HIVEP3: variants seen among roughly 807,000 people sequenced by gnomAD.
HIVEP3 encodes HIVEP zinc finger 3, also known as transcription factor HIVEP3.
Under a neutral mutation model 152.8 loss-of-function variants are expected in HIVEP3, and 49 were observed. That is an observed-to-expected ratio of 0.32 (90% CI 0.26 to 0.41). The LOEUF is 0.41. Among genes scored for constraint, HIVEP3 ranks in the 10% least tolerant of loss-of-function variants. HIVEP3 has a pLI of 1.00. For synonymous variants in HIVEP3, 1,269 were observed against 1,289.0 expected (o/e 0.98, Z 0.33); for missense variants, 2,790 against 3,103.3 (o/e 0.90, Z 2.40).
intron 1 of HIVEP3, among the ~76,000 whole-genome samples, chr1:41,865,060 C>T (rs1282212473): frequency 6.6e-6 from 1 of 152,232 alleles, no homozygotes; most frequent in Non-Finnish European, 1.5e-5. Flanking sequence ...ACCATCCCAT[C>T]ATTGGACTTG....
chr1:41,868,708 G>C (rs1644027132), intron 1 of HIVEP3, among the ~76,000 whole-genome samples: 1 of 152,156 alleles, frequency 6.6e-6, no homozygotes, highest in Non-Finnish European at 1.5e-5. Flanking sequence ...AGAAAGCATG[G>C]GCTTGCTCAG....
chr1:41,829,214 A>G (rs904549783), intron 1 of HIVEP3, among the ~76,000 whole-genome samples: 1 of 152,250 alleles, frequency 6.6e-6, no homozygotes, highest in South Asian at 2.1e-4. Flanking sequence ...TGCTTACTAA[A>G]AAAGTCTTTG....
At chr1:41,563,218 G>C (rs891110127) in intron 5 of HIVEP3, among the ~76,000 whole-genome samples, 5 of 152,032 alleles carry the variant, frequency 3.3e-5, no homozygotes, top group African/African-American at 4.8e-5. Context: ...ATGGTGGCAG[G>C]CACCTGTAAT....
chr1:41,767,793 G>A (rs958147155), intron 1 of HIVEP3, among the ~76,000 whole-genome samples: 5 of 152,158 alleles, frequency 3.3e-5, no homozygotes, highest in East Asian at 1.9e-4. Context: ...GAGCTGGCAG[G>A]GCTTTTGTTC....
Position 41,804,418 on chromosome 1 carries a change from C to T in HIVEP3, c.-800-103423G>A, listed in dbSNP as rs1041845702. 4.6e-5 allele frequency among the ~76,000 whole-genome samples: 7 copies of T among 152,356 alleles called. No individual in the cohort carries two copies. In the East Asian group the frequency reaches 5.8e-4, roughly 13 times the overall value. On this transcript the variant is annotated intron_variant, in intron 1 of 8. Transcript: ENST00000372583. ...GGGCTTGTTTAATCCTCAAGACAAA[C>T]CTGCCAGATAAGGCTGGCTGTGCCC...
chr1:41,632,532 C>T (rs1482858560), intron 2 of HIVEP3, among the ~76,000 whole-genome samples: 1 of 152,112 alleles, frequency 6.6e-6, no homozygotes, highest in Non-Finnish European at 1.5e-5. Context: ...CCACGCCTGG[C>T]GGATCACGGG....
chr1:41,847,679 T>G (rs1288280618), intron 1 of HIVEP3: 1 of 152,250 alleles, frequency 6.6e-6, no homozygotes, highest in Middle Eastern at 3.2e-3. Context: ...GTAAGAGCGA[T>G]GAGAGTAGAA....
chr1:41,735,688 C>T (rs1646906739), intron 1 of HIVEP3, among the ~76,000 whole-genome samples: 1 of 152,102 alleles, frequency 6.6e-6, no homozygotes, highest in African/African-American at 2.4e-5. Context: ...GGAATTAAAC[C>T]CTGCTCTCCT....
chr1:41,669,706 G>A (rs1425304319), intron 2 of HIVEP3, among the ~76,000 whole-genome samples: 2 of 152,278 alleles, frequency 1.3e-5, no homozygotes, highest in African/African-American at 4.8e-5. Flanking sequence ...TATACCATTG[G>A]CTTTCCTGGG....
At chr1:41,806,705 G>A (rs567366900) in intron 1 of HIVEP3, among the ~76,000 whole-genome samples, 14 of 152,350 alleles carry the variant, frequency 9.2e-5, no homozygotes, top group African/African-American at 2.9e-4. Flanking sequence ...GCACTCCAGT[G>A]GGCAAGGAGG....
chr1:41,755,290 T>C (rs148156945), intron 1 of HIVEP3, among the ~76,000 whole-genome samples: 74 of 152,226 alleles, frequency 4.9e-4, no homozygotes, highest in African/African-American at 1.3e-3. Context: ...TTCCACTTTA[T>C]ACAAAATTTC....
intron 1 of HIVEP3, among the ~76,000 whole-genome samples, chr1:41,708,820 C>T (rs1039149330): frequency 8.5e-5 from 13 of 152,186 alleles, no homozygotes. Context: ...AAGTCAAGTA[C>T]TAGAAGCAAC....
chr1:41,521,317 AGAT>A (rs1470185909), intron 6 of HIVEP3, among the ~76,000 whole-genome samples: 2 of 152,222 alleles, frequency 1.3e-5, no homozygotes, highest in African/African-American at 4.8e-5. Flanking sequence ...AGAGATGCTA[AGAT>A]GATGCTTTTG....
chr1:41,854,644 A>C (rs1643706280), intron 1 of HIVEP3, among the ~76,000 whole-genome samples: 2 of 113,868 alleles, frequency 1.8e-5, no homozygotes, highest in Admixed American at 1.7e-4. Context: ...ATCTAGCATT[A>C]GGTATATCTC....
At chr1:41,899,572 A>G (rs1644587685) in intron 1 of HIVEP3, among the ~76,000 whole-genome samples, 2 of 152,040 alleles carry the variant, frequency 1.3e-5, no homozygotes, top group African/African-American at 4.8e-5. Context: ...AGGTCCAGCT[A>G]ATTTTTTGTG....
chr1:41,824,742 A>AATATATATATAT (rs375409601), intron 1 of HIVEP3, among the ~76,000 whole-genome samples: 1 of 75,086 alleles, frequency 1.3e-5, no homozygotes, highest in Non-Finnish European at 2.4e-5. Context: ...TTCCAAGTTA[A>AATATATATATAT]ATATATATAT....
At chr1:42,011,992 G>A (rs961232343) in intron 1 of HIVEP3, among the ~76,000 whole-genome samples, 3 of 152,052 alleles carry the variant, frequency 2.0e-5, no homozygotes, top group Non-Finnish European at 4.4e-5. Context: ...AGTGACATAG[G>A]GATGTCCCTG....
intron 1 of HIVEP3, among the ~76,000 whole-genome samples, chr1:41,795,323 G>C (rs941984051): frequency 2.0e-5 from 3 of 152,074 alleles, no homozygotes; most frequent in African/African-American, 7.2e-5. Flanking sequence ...ATGTTTTCTC[G>C]TGATTAAACA....
intron 1 of HIVEP3, among the ~76,000 whole-genome samples, chr1:41,846,356 T>C (rs1272628066): frequency 2.0e-5 from 3 of 152,254 alleles, no homozygotes. Flanking sequence ...ACATGGAGAC[T>C]TTGTTTCAAC....
Sources: gnomAD v4.1 joint callset for allele counts (sites outside exome capture counted in the v4.1 genomes callset) on GRCh38, gnomAD v4.1.1 for gene constraint, MANE v1.5 for transcripts, NCBI Gene and HGNC (gene_info 2026-07-23, HGNC 2026-07-21) for gene names.